Variants in NUP43 observed in about 807,000 individuals in gnomAD.
NUP43 encodes nucleoporin 43.
In NUP43, 32 loss-of-function variants were observed where a neutral mutation model predicts 47.3. The ratio of observed to expected loss-of-function variants is 0.68; its 90% CI spans 0.51 to 0.91. The LOEUF (loss-of-function observed/expected upper bound fraction) is 0.91. Ranked by LOEUF, NUP43 falls within the 40% of genes least tolerant of loss-of-function variation. The pLI is 0.00. For synonymous variants in NUP43, 147 were observed against 158.4 expected (o/e 0.93, Z 0.54); for missense variants, 444 against 453.9 (o/e 0.98, Z 0.20).
chr6:149,740,300 A>AG (rs1785579739), intron 4 of NUP43, among the ~76,000 whole-genome samples: 1 of 149,398 alleles, frequency 6.7e-6, no homozygotes, highest in East Asian at 2.0e-4. Context: ...AAAAAAAAAA[A>AG]GTAATGCAAC....
chr6:149,746,503 G>A lies in NUP43; in HGVS notation c.-8C>T, dbSNP rs201168855. 2 of 1,614,200 alleles carry A rather than the reference G, an allele frequency of 1.2e-6. No homozygotes were observed. Among genetic ancestry groups the A allele is most frequent in the South Asian group, 1.1e-5 (1 of 91,090 alleles). On this transcript the variant is annotated 5_prime_UTR_variant, in exon 1 of 8. Transcript: ENST00000340413. ...CGCATAAATTTCCTCCATGCCGAAA[G>A]CGGCCGCAGCAGGTACTGCAAAAAG...
chr6:149,747,121 G>A (rs754466876), upstream of NUP43, among the ~76,000 whole-genome samples: 26 of 152,076 alleles, frequency 1.7e-4, no homozygotes, highest in Non-Finnish European at 1.8e-4. Flanking sequence ...TATTGTCAAC[G>A]GCCCAGGAAT....
intron 5 of NUP43, 128 bp downstream of exon 5, chr6:149,738,515 A>G: frequency 1.6e-6 from 1 of 615,142 alleles, no homozygotes; most frequent in Non-Finnish European, 2.5e-6. Context: ...TTGCTCTACC[A>G]AATTTTAATC....
At position 149,731,563 on chromosome 6, in the gene NUP43, A is replaced by AT. The variant is rs1491231910; in HGVS notation, c.913+49_913+50insA. The AT allele has an allele frequency of 7.5e-5, 16 of 212,318 alleles. No individual in the cohort carries two copies. The East Asian group carries it at 2.0e-3, about 26-fold the overall frequency. 13.2% of individuals were successfully genotyped at this position (212,318 alleles called of 1,614,324 possible). The stretch of plus-strand genomic sequence containing the variant: ...GGGTGATAGAGTGAGACTCTGTCTT[A>AT]AAAAAAAAAAAAAAAAGTACACATA... On this transcript the variant is annotated intron_variant, in intron 7 of 7. Transcript: ENST00000340413.
At chr6:149,747,719 T>C (rs1716149675), upstream of NUP43, among the ~76,000 whole-genome samples, 1 of 152,204 alleles carries the variant, frequency 6.6e-6, no homozygotes, top group Non-Finnish European at 1.5e-5. Context: ...AATGAAGCTC[T>C]TTTACACTAT....
rs910072880 is a variant in NUP43, at chr6:149,727,808, T to C, written c.914-610A>G. ...CTCTAACAGCGCACTGTACTTACTATAGAATAAAGTGAGGCAGAGGCAGTA... is the reference window on the plus strand; with the variant it reads ...CTCTAACAGCGCACTGTACTTACTACAGAATAAAGTGAGGCAGAGGCAGTA... On this transcript the variant is annotated intron_variant, in intron 7 of 7. Coordinates refer to ENST00000340413, the MANE Select transcript of NUP43 (RefSeq NM_198887.3). 13 of 984,182 alleles carry C rather than the reference T, an allele frequency of 1.3e-5. No homozygotes were observed. The Admixed American group carries it at 3.1e-4, about 23-fold the overall frequency. 61.0% of individuals were successfully genotyped at this position (984,182 alleles called of 1,614,324 possible). A position where few individuals can be genotyped will look rare whatever the true frequency, so the allele number is the denominator to read the frequency against.
chr6:149,735,085 T>G (rs942629800), intron 6 of NUP43, among the ~76,000 whole-genome samples: 1 of 151,944 alleles, frequency 6.6e-6, no homozygotes, highest in African/African-American at 2.4e-5. Context: ...TTTCAGGGAG[T>G]GGGGTCTCAC....
intron 5 of NUP43, among the ~76,000 whole-genome samples, chr6:149,736,994 G>A (rs1272329990): frequency 2.0e-5 from 3 of 149,910 alleles, no homozygotes; most frequent in Admixed American, 6.6e-5. Context: ...GTTTTTTTTT[G>A]TTTATTTTTT....
At chr6:149,737,879 C>T (rs944634875) in intron 5 of NUP43, among the ~76,000 whole-genome samples, 5 of 151,986 alleles carry the variant, frequency 3.3e-5, no homozygotes, top group Non-Finnish European at 5.9e-5. Flanking sequence ...TTAGTAGAGA[C>T]GGGGTTTCAC....
rs540161059 is a variant in NUP43, at chr6:149,737,403, A to G, written c.639-781T>C. ...AAGAGCCTTTTGCCTCAGCCTCCCAAGTAGCTAGGACTACAGGCACATGCT... is the reference window on the plus strand; with the variant it reads ...AAGAGCCTTTTGCCTCAGCCTCCCAGGTAGCTAGGACTACAGGCACATGCT... On this transcript the variant is annotated intron_variant, in intron 5 of 7. Coordinates refer to ENST00000340413, the MANE Select transcript of NUP43 (RefSeq NM_198887.3). Among the ~76,000 whole-genome samples the G allele has an allele frequency of 2.6e-5, 4 of 152,162 alleles. No homozygotes were observed. In the South Asian group the frequency reaches 6.2e-4, roughly 24 times the overall value.
At chr6:149,747,276 T>A (rs1479141671), upstream of NUP43, among the ~76,000 whole-genome samples, 2 of 151,944 alleles carry the variant, frequency 1.3e-5, no homozygotes, top group African/African-American at 4.8e-5. Flanking sequence ...TTGATCTAAA[T>A]CAACACCATT....
At chr6:149,746,902 C>T (rs75119422), upstream of NUP43, among the ~76,000 whole-genome samples, 1 of 152,338 alleles carries the variant, frequency 6.6e-6, no homozygotes, top group Non-Finnish European at 1.5e-5. Flanking sequence ...TCCTTAAATA[C>T]TCGTGGAAGT....
At position 149,724,609 on chromosome 6, in the gene NUP43, C is replaced by T. The variant is rs759545326; in HGVS notation, c.*2360G>A. 2.0e-5 allele frequency: 3 copies of T among 152,022 alleles called. No homozygotes were observed. Among genetic ancestry groups the T allele is most frequent in the Non-Finnish European group, 2.9e-5 (2 of 68,012 alleles). The allele number at this position is 152,022 out of a possible 1,614,324, so 9.4% of individuals were successfully genotyped here. ...TATATATGTATATTTTTTGAGATGG[C>T]GTTTTGCTCTTTTGCCCAGGCTGGA... is the stretch of plus-strand genomic sequence containing the variant. On this transcript the variant is annotated 3_prime_UTR_variant, in exon 8 of 8. Transcript: ENST00000340413.
chr6:149,736,665 T>C lies in NUP43; in HGVS notation c.639-43A>G, dbSNP rs750014638. 3 of 1,506,012 alleles carry C rather than the reference T, an allele frequency of 2.0e-6. No homozygotes were observed. The South Asian group carries it at 3.7e-5, about 19-fold the overall frequency. 93.3% of individuals were successfully genotyped at this position (1,506,012 alleles called of 1,614,324 possible). A position where few individuals can be genotyped will look rare whatever the true frequency, so the allele number is the denominator to read the frequency against. On this transcript the variant is annotated intron_variant, in intron 5 of 7. Coordinates refer to ENST00000340413, the MANE Select transcript of NUP43 (RefSeq NM_198887.3). ...AATGACGTCAAAATCAAATAAAGTA[T>C]AATTTATCTTTGTGTAACACAGGAA...
upstream of NUP43, chr6:149,746,637 A>G (rs771512043): frequency 3.8e-6 from 6 of 1,589,940 alleles, no homozygotes; most frequent in Non-Finnish European, 3.4e-6. Flanking sequence ...GTCGATAGCC[A>G]GTGTGGGCAC....
intron 4 of NUP43, among the ~76,000 whole-genome samples, 164 bp downstream of exon 4, chr6:149,742,226 A>G (rs1489297133): frequency 2.0e-5 from 3 of 152,064 alleles, no homozygotes. Context: ...GTGTTTCTCC[A>G]TGTTGGTCAG....
In NUP43 at chr6:149,742,565, C is replaced by CA. The variant is rs1562383451; in HGVS notation, c.326dup (p.Ser110ValfsTer21). 3.1e-6 allele frequency: 5 copies of CA among 1,613,232 alleles called. No homozygotes were observed. Among genetic ancestry groups the CA allele is most frequent in the East Asian group, 2.2e-5 (1 of 44,876 alleles). On this transcript the variant is annotated frameshift_variant, in exon 4 of 8. Coordinates refer to ENST00000340413, the MANE Select transcript of NUP43 (RefSeq NM_198887.3). LOFTEE classifies it high-confidence loss of function. Reference sequence around the variant, plus strand: ...CTGTAGTCCACTGCTGGTTGACTGACAGAGTCTAGGCATCAGAAATGAGGA... The same window carrying CA: ...CTGTAGTCCACTGCTGGTTGACTGACAAGAGTCTAGGCATCAGAAATGAGGA...
chr6:149,732,791 G>C (rs547559681), intron 6 of NUP43, among the ~76,000 whole-genome samples: 2 of 152,160 alleles, frequency 1.3e-5, no homozygotes, highest in Non-Finnish European at 2.9e-5. Flanking sequence ...GTTGCAGTGA[G>C]CTGAGATTGC....
chr6:149,739,648 G>A (rs1015367247), intron 4 of NUP43, among the ~76,000 whole-genome samples: 11 of 151,914 alleles, frequency 7.2e-5, no homozygotes, highest in Non-Finnish European at 1.2e-4. Context: ...TCTTAAGATT[G>A]TTACCCTGCA....
Sources: gnomAD v4.1 joint callset for allele counts (sites outside exome capture counted in the v4.1 genomes callset) on GRCh38, gnomAD v4.1.1 for gene constraint, MANE v1.5 for transcripts, NCBI Gene and HGNC (gene_info 2026-07-23, HGNC 2026-07-21) for gene names.